Variants in PGCKA1 observed in about 807,000 individuals in gnomAD.
PGCKA1 encodes PDCD10 and GCKIII kinases associated 1, also known as PDCD10 and GCKIII kinases-associated protein 1.
chr4:37,546,628 C>G, the PGCKA1 span, among the ~76,000 whole-genome samples: 2 of 152,210 alleles, frequency 1.3e-5, no homozygotes, highest in Admixed American at 6.5e-5. Flanking sequence ...CCTTCTAAAA[C>G]TTGGTGTCTG....
chr4:37,516,690 C>T, the PGCKA1 span, among the ~76,000 whole-genome samples: 10 of 152,170 alleles, frequency 6.6e-5, no homozygotes, highest in Non-Finnish European at 5.9e-5. Context: ...TCTTGTGACA[C>T]GCTGCAGTAA....
At chr4:37,545,542 C>T in the PGCKA1 span, among the ~76,000 whole-genome samples, 1 of 152,204 alleles carries the variant, frequency 6.6e-6, no homozygotes, top group Non-Finnish European at 1.5e-5. Flanking sequence ...AGGATTCTAC[C>T]ATCTAAATTG....
the PGCKA1 span, among the ~76,000 whole-genome samples, chr4:37,489,098 G>A: frequency 6.6e-6 from 1 of 152,096 alleles, no homozygotes; most frequent in South Asian, 2.1e-4. Flanking sequence ...GGGCTTAGGG[G>A]AAGAAGGAAA....
At chr4:37,570,590 G>C in the PGCKA1 span, among the ~76,000 whole-genome samples, 1 of 152,026 alleles carries the variant, frequency 6.6e-6, no homozygotes, top group Non-Finnish European at 1.5e-5. Flanking sequence ...ATTCTTCTTG[G>C]GTCAGGACCT....
At chr4:37,516,093 CTATT>C in the PGCKA1 span, among the ~76,000 whole-genome samples, 3 of 152,296 alleles carry the variant, frequency 2.0e-5, no homozygotes, top group South Asian at 6.2e-4. Context: ...TTCATACAAA[CTATT>C]TAGGTATGGA....
At chr4:37,534,294 A>G in the PGCKA1 span, among the ~76,000 whole-genome samples, 2 of 152,236 alleles carry the variant, frequency 1.3e-5, no homozygotes, top group Non-Finnish European at 2.9e-5. Flanking sequence ...ACCTGGGTCC[A>G]GGAAAGTCAT....
chr4:37,488,066 G>A, the PGCKA1 span, among the ~76,000 whole-genome samples: 1 of 152,098 alleles, frequency 6.6e-6, no homozygotes, highest in African/African-American at 2.4e-5. Context: ...GTGGAAAATT[G>A]CTAGGTCATA....
the PGCKA1 span, among the ~76,000 whole-genome samples, chr4:37,478,111 G>A: frequency 1.2e-4 from 18 of 148,344 alleles, no homozygotes; most frequent in Admixed American, 1.1e-3. Context: ...ATGCCCAAAT[G>A]TACTAATTTT....
the PGCKA1 span, chr4:37,453,852 G>C: frequency 6.6e-6 from 1 of 152,212 alleles, no homozygotes; most frequent in Admixed American, 6.5e-5. Context: ...CGCGTGTCGG[G>C]AAGGCTCACC....
At chr4:37,486,413 A>C in the PGCKA1 span, among the ~76,000 whole-genome samples, 1 of 152,190 alleles carries the variant, frequency 6.6e-6, no homozygotes, top group Non-Finnish European at 1.5e-5. Context: ...AAAAAGCTTC[A>C]CTGAAACCAC....
At chr4:37,575,173 A>G in the PGCKA1 span, among the ~76,000 whole-genome samples, 1 of 152,188 alleles carries the variant, frequency 6.6e-6, no homozygotes. Flanking sequence ...AGAAACCTCA[A>G]AACTATTCTC....
the PGCKA1 span, among the ~76,000 whole-genome samples, chr4:37,476,564 G>A: frequency 6.6e-6 from 1 of 152,222 alleles, no homozygotes; most frequent in Admixed American, 6.5e-5. Flanking sequence ...AAAAGCATGT[G>A]CTTTTAGAAC....
chr4:37,573,571 C>T, the PGCKA1 span, among the ~76,000 whole-genome samples: 1 of 152,202 alleles, frequency 6.6e-6, no homozygotes, highest in Non-Finnish European at 1.5e-5. Context: ...TTATACAAGT[C>T]ATTTTGTAAC....
chr4:37,489,014 TG>T, the PGCKA1 span, among the ~76,000 whole-genome samples: 11 of 152,274 alleles, frequency 7.2e-5, no homozygotes, highest in Non-Finnish European at 1.3e-4. Context: ...GTTTCCTAAG[TG>T]GTTCCTCAGG....
At chr4:37,503,601 C>G in the PGCKA1 span, among the ~76,000 whole-genome samples, 1 of 152,186 alleles carries the variant, frequency 6.6e-6, no homozygotes, top group African/African-American at 2.4e-5. Flanking sequence ...ATCTCCACAT[C>G]CTCACCAGTA....
the PGCKA1 span, among the ~76,000 whole-genome samples, chr4:37,582,079 T>A: frequency 6.6e-6 from 1 of 152,156 alleles, no homozygotes; most frequent in South Asian, 2.1e-4. Context: ...CAAATCACTG[T>A]ACTCTCCCTC....
At chr4:37,525,491 T>C in the PGCKA1 span, among the ~76,000 whole-genome samples, 2 of 118,138 alleles carry the variant, frequency 1.7e-5, no homozygotes, top group East Asian at 2.1e-4. Context: ...TCCACACACA[T>C]ACTTTTAAAC....
At chr4:37,500,966 G>A in the PGCKA1 span, among the ~76,000 whole-genome samples, 1 of 152,034 alleles carries the variant, frequency 6.6e-6, no homozygotes, top group Non-Finnish European at 1.5e-5. Context: ...CATTTGCTTG[G>A]TAGATTTTTC....
the PGCKA1 span, among the ~76,000 whole-genome samples, chr4:37,581,399 A>T: frequency 6.6e-6 from 1 of 152,124 alleles, no homozygotes; most frequent in African/African-American, 2.4e-5. This position sits in a 1 kb window ranked among gnomAD's most constrained non-coding sequence, Gnocchi z 4.4. Flanking sequence ...CCCATAGCGT[A>T]CTACCTGGGT....
Sources: allele counts gnomAD v4.1 joint callset (sites outside exome capture counted in the v4.1 genomes callset), GRCh38; gene constraint gnomAD v4.1.1; non-coding constraint Gnocchi (gnomAD v3.1); transcripts MANE v1.5; gene names NCBI Gene and HGNC (gene_info 2026-07-23, HGNC 2026-07-21).